The following NCOR1 variants were observed in gnomAD, a reference collection of about 807,000 sequenced individuals.
NCOR1 encodes protein phosphatase 1, regulatory subunit 109.
NCOR1 carries 63 observed loss-of-function variants against 288.1 expected under a neutral mutation model. The observed-to-expected ratio is 0.22, with a 90% confidence interval of 0.18 to 0.27. The LOEUF (loss-of-function observed/expected upper bound fraction) is 0.27. Among genes scored for constraint, NCOR1 ranks in the 10% least tolerant of loss-of-function variants. NCOR1 has a pLI of 1.00. For synonymous variants in NCOR1, 1,007 were observed against 1,065.9 expected, an observed-to-expected ratio of 0.94 and a Z score of 1.08; for missense variants, 2,397 against 3,019.2, an observed-to-expected ratio of 0.79 and a Z score of 4.83.
intron 43 of NCOR1, 161 bp from the exon 44 acceptor site, chr17:16,039,815 G>A: frequency 1.6e-6 from 1 of 639,360 alleles, no homozygotes; most frequent in Non-Finnish European, 2.7e-6. Flanking sequence ...TGGAGACAGA[G>A]TCTCTCTCTG....
At chr17:16,066,388 TGACACAA>T (rs1176705976) in intron 32 of NCOR1, among the ~76,000 whole-genome samples, 4 of 152,098 alleles carry the variant, frequency 2.6e-5, no homozygotes, top group Admixed American at 6.5e-5. Flanking sequence ...GGTGAGAGAA[TGACACAA>T]GACACAAGAT....
chr17:16,133,921 A>C (rs2076020628), intron 14 of NCOR1, among the ~76,000 whole-genome samples: 1 of 152,194 alleles, frequency 6.6e-6, no homozygotes, highest in Non-Finnish European at 1.5e-5. Context: ...CCAGAAACTA[A>C]TCCGTTCTCC....
chr17:16,139,077 A>C lies in NCOR1; in HGVS notation c.1283T>G (p.Met428Arg). ...AAACTGCCTATCTTTATACACTTTCATAGGGTCCTCCATAAGCCCATTCAT... is the reference window on the plus strand; with the variant it reads ...AAACTGCCTATCTTTATACACTTTCCTAGGGTCCTCCATAAGCCCATTCAT... The part of the protein sequence containing the change: ...INMNGLMEDP[M>R]KVYKDRQFMN... Residue 428 changes from methionine to arginine, a missense_variant, in exon 12 of 46, where the codon ATG becomes AGG. Met to Arg is a moderately conservative substitution (Grantham distance 91, BLOSUM62 -1). Transcript: ENST00000268712. 1 of 1,612,278 alleles carries C rather than the reference A, an allele frequency of 6.2e-7. No individual in the cohort carries two copies. The highest frequency in any genetic ancestry group is 8.5e-7 in the Non-Finnish European group (1 of 1,179,094).
At chr17:16,185,502 G>A (rs1032245676) in intron 3 of NCOR1, among the ~76,000 whole-genome samples, 1 of 151,606 alleles carries the variant, frequency 6.6e-6, no homozygotes, top group African/African-American at 2.4e-5. Flanking sequence ...TGGTCAACAC[G>A]GCAAAACCCC....
chr17:16,104,306 TAGAC>T (rs760761968), intron 19 of NCOR1, among the ~76,000 whole-genome samples: 8 of 152,204 alleles, frequency 5.3e-5, no homozygotes, highest in Non-Finnish European at 8.8e-5. Flanking sequence ...TTGTATATAA[TAGAC>T]AGCAATATAA....
chr17:16,070,608 G>C, intron 30 of NCOR1, 83 bp from the exon 31 acceptor site: 3 of 1,526,788 alleles, frequency 2.0e-6, no homozygotes, highest in Non-Finnish European at 2.7e-6. Flanking sequence ...GCCCATGGCA[G>C]TTACAGTTCA....
rs2067665506 is a variant in NCOR1 at position 16,101,761 on chromosome 17, G to A, written c.2183-4C>T. The A allele has an allele frequency of 3.1e-6, 5 of 1,614,086 alleles. No individual in the cohort carries two copies. The highest frequency in any genetic ancestry group is 3.4e-6 in the Non-Finnish European group (4 of 1,179,992). ...TCGCTGGGCTTGACAGCTTCAACTG[G>A]TGAAGGAGAAGGAGCACTTTCTGTA... On this transcript the variant is annotated splice_polypyrimidine_tract_variant and splice_region_variant and intron_variant, in intron 19 of 45. Transcript: ENST00000268712.
intron 38 of NCOR1, 181 bp downstream of exon 38, chr17:16,058,290 C>G: frequency 1.1e-6 from 1 of 928,676 alleles, no homozygotes; most frequent in South Asian, 2.2e-5. Context: ...TTAATATAAA[C>G]AATTTTCTGT....
rs1305130233 is a variant in NCOR1, at chr17:16,206,789, AAGAAT to A, written c.-71+8568_-71+8572del. 3.9e-5 allele frequency among the ~76,000 whole-genome samples: 6 copies of A among 152,328 alleles called. No homozygotes were observed. The East Asian group carries it at 1.2e-3, about 29-fold the overall frequency. On this transcript the variant is annotated intron_variant, in intron 1 of 45. Transcript: ENST00000268712. The stretch of plus-strand genomic sequence containing the variant: ...ACAAACTTGGAACAGTAGTATATAA[AAGAAT>A]AGTACATTATGATCCCATAATATAG...
At position 16,064,895 on chromosome 17, in the gene NCOR1, C is replaced by T. The variant is rs377698372; in HGVS notation, c.5076G>A (p.Pro1692=). 3.3e-4 allele frequency: 525 copies of T among 1,611,790 alleles called. 1 individual carries two copies. Among genetic ancestry groups the T allele is most frequent in the South Asian group, 8.3e-4 (75 of 90,818 alleles). The change falls in exon 34 of 46, where the codon CCG becomes CCA. Residue 1692 remains proline, a synonymous_variant. Coordinates refer to ENST00000268712, the MANE Select transcript of NCOR1 (RefSeq NM_006311.4). ...PGTQITFPPR[P]YNSASMSPGH... is the part of the protein sequence containing the mutation. ...CTGGAGACATGGAAGCAGAGTTGTA[C>T]GGCCTGGGAGGGAAAGTAATCTGTG...
At chr17:16,067,832 C>G in intron 32 of NCOR1, 62 bp downstream of exon 32, 1 of 1,452,148 alleles carries the variant, frequency 6.9e-7, no homozygotes, top group Non-Finnish European at 9.4e-7. Context: ...CAACAGAAAG[C>G]TGAAAAGTCA....
chr17:16,147,360 G>T, intron 9 of NCOR1, among the ~76,000 whole-genome samples: 1 of 152,096 alleles, frequency 6.6e-6, no homozygotes, highest in Middle Eastern at 3.2e-3. Flanking sequence ...AGTGAGCCGA[G>T]ATCGCACCAC....
intron 3 of NCOR1, among the ~76,000 whole-genome samples, chr17:16,172,450 A>T (rs1173248666): frequency 6.6e-6 from 1 of 152,246 alleles, no homozygotes; most frequent in Admixed American, 6.5e-5. Flanking sequence ...TTGCTGAAGA[A>T]TATCTATAAA....
chr17:16,182,598 G>A (rs1480569643), intron 3 of NCOR1, among the ~76,000 whole-genome samples: 2 of 152,122 alleles, frequency 1.3e-5, no homozygotes, highest in Non-Finnish European at 2.9e-5. Flanking sequence ...GGGACTATAG[G>A]TGCCCACCAC....
chr17:16,084,868 C>A (rs569962579), intron 23 of NCOR1, among the ~76,000 whole-genome samples: 4 of 152,246 alleles, frequency 2.6e-5, no homozygotes, highest in African/African-American at 9.6e-5. Flanking sequence ...GAAGAAAACA[C>A]AGGCGAATAT....
At chr17:16,100,358 C>G (rs200790919) in intron 20 of NCOR1, among the ~76,000 whole-genome samples, 2 of 152,130 alleles carry the variant, frequency 1.3e-5, no homozygotes, top group East Asian at 3.8e-4. Context: ...TACCTGTAAA[C>G]TGCAGGGAGC....
At chr17:16,114,407 A>G (rs2071116207) in intron 18 of NCOR1, among the ~76,000 whole-genome samples, 1 of 151,960 alleles carries the variant, frequency 6.6e-6, no homozygotes, top group East Asian at 1.9e-4. Context: ...ACATTTCAAA[A>G]CCAATCATGC....
At chr17:16,056,146 T>TGGTA (rs2059890121) in intron 40 of NCOR1, among the ~76,000 whole-genome samples, 1 of 152,082 alleles carries the variant, frequency 6.6e-6, no homozygotes, top group Admixed American at 6.6e-5. Context: ...TTTGATGGGT[T>TGGTA]GGTAGGTAGG....
At chr17:16,032,844 C>G (rs1466860342) in intron 45 of NCOR1, among the ~76,000 whole-genome samples, 1 of 152,158 alleles carries the variant, frequency 6.6e-6, no homozygotes, top group Non-Finnish European at 1.5e-5. Context: ...AAGAGAAATG[C>G]AAGAGTATAG....
Sources: gnomAD v4.1 joint callset for allele counts (sites outside exome capture counted in the v4.1 genomes callset) on GRCh38, gnomAD v4.1.1 for gene constraint, MANE v1.5 for transcripts, NCBI Gene and HGNC (gene_info 2026-07-23, HGNC 2026-07-21) for gene names.